Variants in TNR observed in about 807,000 individuals in gnomAD.
The protein encoded by TNR is tenascin-R.
TNR carries 45 observed loss-of-function variants against 150.4 expected under a neutral mutation model. The observed-to-expected ratio is 0.30, with a 90% CI of 0.24 to 0.38. The LOEUF (loss-of-function observed/expected upper bound fraction) is 0.38. Ranked by LOEUF, TNR falls within the 10% of genes least tolerant of loss-of-function variation. TNR has a pLI of 1.00. For synonymous variants in TNR, 687 were observed against 678.4 expected (o/e 1.01, Z -0.20); for missense variants, 1,544 against 1,759.1 (o/e 0.88, Z 2.19).
chr1:175,677,663 G>T (rs763149457), intron 1 of TNR, among the ~76,000 whole-genome samples: 1 of 152,216 alleles, frequency 6.6e-6, no homozygotes, highest in Non-Finnish European at 1.5e-5. Flanking sequence ...GAAGGTACAA[G>T]GAGAGGCAGA....
chr1:175,569,485 C>T (rs1021217570), intron 1 of TNR, among the ~76,000 whole-genome samples: 5 of 152,114 alleles, frequency 3.3e-5, no homozygotes, highest in African/African-American at 4.8e-5. Flanking sequence ...AAGCAGCTGA[C>T]GATATAATTG....
At chr1:175,446,887 A>G (rs1172234783) in intron 2 of TNR, among the ~76,000 whole-genome samples, 2 of 152,050 alleles carry the variant, frequency 1.3e-5, no homozygotes, top group African/African-American at 2.4e-5. Flanking sequence ...GTGTATGCAT[A>G]TGTGTATTCA....
Position 175,440,558 on chromosome 1 carries a change from A to G in TNR, c.-63-33781T>C, listed in dbSNP as rs1031949349. ...TAAAATAAAATAAAATAAAGGAAAA[A>G]AAAGTGAAAAAAGAGAAAGAGAGCT... On this transcript the variant is annotated intron_variant, in intron 2 of 22. Transcript: ENST00000367674. Among the ~76,000 whole-genome samples, 4 of 151,966 alleles carry G rather than the reference A, an allele frequency of 2.6e-5. 1 individual carries two copies. The South Asian group carries it at 8.3e-4, about 32-fold the overall frequency.
rs546664492 is a variant in TNR, at chr1:175,560,141, C to G, written c.-164-31772G>C. Among the ~76,000 whole-genome samples the G allele has an allele frequency of 5.3e-5, 8 of 152,356 alleles. No homozygotes were observed. In the South Asian group the frequency reaches 1.7e-3, roughly 32 times the overall value. ...TAAACCAGGTATCCCCAGTCTGTAC[C>G]TGCTCAGCTTTTGTTTTAAGCCTGA... On this transcript the variant is annotated intron_variant, in intron 1 of 22. Transcript: ENST00000367674.
At chr1:175,459,236 C>T (rs554730447) in intron 2 of TNR, among the ~76,000 whole-genome samples, 15 of 151,282 alleles carry the variant, frequency 9.9e-5, no homozygotes, top group East Asian at 5.8e-4. Context: ...ATTATCACAA[C>T]GACCACCACC....
chr1:175,661,252 T>C (rs1665362003), intron 1 of TNR, among the ~76,000 whole-genome samples: 1 of 152,112 alleles, frequency 6.6e-6, no homozygotes, highest in Non-Finnish European at 1.5e-5. Flanking sequence ...TGGAGAAGCA[T>C]CTCAGGCATT....
At chr1:175,417,196 T>C (rs1305714293) in intron 2 of TNR, among the ~76,000 whole-genome samples, 2 of 152,170 alleles carry the variant, frequency 1.3e-5, no homozygotes, top group Non-Finnish European at 2.9e-5. Flanking sequence ...GAATTAACAT[T>C]ACTAATTTAA....
At chr1:175,475,767 A>G (rs868498744) in intron 2 of TNR, among the ~76,000 whole-genome samples, 13 of 145,614 alleles carry the variant, frequency 8.9e-5, no homozygotes, top group African/African-American at 3.1e-4. Context: ...CCTACCCTGG[A>G]TGAGGAAAAA....
chr1:175,385,040 T>C (rs1652857096), intron 8 of TNR, among the ~76,000 whole-genome samples: 2 of 152,254 alleles, frequency 1.3e-5, no homozygotes, highest in African/African-American at 4.8e-5. Flanking sequence ...ATTCTCCAAC[T>C]TTATCCCATC....
chr1:175,339,277 A>G (rs1022627163), intron 18 of TNR, among the ~76,000 whole-genome samples: 14 of 152,226 alleles, frequency 9.2e-5, no homozygotes, highest in Admixed American at 2.0e-4. Flanking sequence ...ACAGCAAAGG[A>G]TTAATTAATA....
chr1:175,585,387 G>A (rs12086372), intron 1 of TNR, among the ~76,000 whole-genome samples: 3 of 152,172 alleles, frequency 2.0e-5, no homozygotes, highest in Non-Finnish European at 4.4e-5. Flanking sequence ...AGAGAAAATC[G>A]TGAGCATGTA....
At chr1:175,609,337 G>A (rs1663521127) in intron 1 of TNR, among the ~76,000 whole-genome samples, 1 of 152,068 alleles carries the variant, frequency 6.6e-6, no homozygotes, top group Non-Finnish European at 1.5e-5. Flanking sequence ...TGCCTATTGG[G>A]GTAAGAGCAT....
intron 2 of TNR, among the ~76,000 whole-genome samples, chr1:175,453,939 G>T (rs1656440060): frequency 6.6e-6 from 1 of 152,080 alleles, no homozygotes; most frequent in Non-Finnish European, 1.5e-5. Flanking sequence ...TTATGAAAAG[G>T]TCAGCCAGGT....
chr1:175,537,634 G>T, intron 1 of TNR, among the ~76,000 whole-genome samples: 1 of 152,196 alleles, frequency 6.6e-6, no homozygotes, highest in East Asian at 1.9e-4. Flanking sequence ...GAGGGGATGA[G>T]TTGCTAGAAT....
chr1:175,630,018 C>T (rs1485502881), intron 1 of TNR, among the ~76,000 whole-genome samples: 1 of 152,140 alleles, frequency 6.6e-6, no homozygotes, highest in Non-Finnish European at 1.5e-5. Context: ...TGTCCTCTGC[C>T]CAGGGTCATT....
At chr1:175,578,116 G>A (rs1215233433) in intron 1 of TNR, among the ~76,000 whole-genome samples, 1 of 152,148 alleles carries the variant, frequency 6.6e-6, no homozygotes, top group African/African-American at 2.4e-5. Flanking sequence ...AGACCTCTCG[G>A]GTCTGTAGTT....
At chr1:175,613,059 T>C (rs1322482790) in intron 1 of TNR, among the ~76,000 whole-genome samples, 1 of 152,168 alleles carries the variant, frequency 6.6e-6, no homozygotes, top group African/African-American at 2.4e-5. Context: ...GACTAGTGGT[T>C]TTTGGTCCAG....
chr1:175,687,254 A>C (rs1051643072), intron 1 of TNR, among the ~76,000 whole-genome samples: 2 of 152,084 alleles, frequency 1.3e-5, no homozygotes, highest in African/African-American at 2.4e-5. Context: ...CATCATTTCC[A>C]CTGACAAGCA....
chr1:175,483,401 G>A (rs1452184208), intron 2 of TNR, among the ~76,000 whole-genome samples: 1 of 152,180 alleles, frequency 6.6e-6, no homozygotes, highest in Non-Finnish European at 1.5e-5. Flanking sequence ...TGTAAGAGCA[G>A]GTGGGGCAGG....
Sources: allele counts gnomAD v4.1 joint callset (sites outside exome capture counted in the v4.1 genomes callset), GRCh38; gene constraint gnomAD v4.1.1; transcripts MANE v1.5; gene names NCBI Gene and HGNC (gene_info 2026-07-23, HGNC 2026-07-21).